LPP: variants seen among roughly 807,000 people sequenced by gnomAD.
The protein encoded by LPP is LIM domain containing preferred translocation partner in lipoma.
Under a neutral mutation model 60.4 loss-of-function variants are expected in LPP, and 38 were observed. That is an observed-to-expected ratio of 0.63 (90% CI 0.49 to 0.83). LPP has a LOEUF of 0.83. Ranked by LOEUF, LPP falls within the 40% of genes least tolerant of loss-of-function variation. LPP has a pLI of 0.00. For missense variants in LPP, 902 were observed against 783.6 expected (o/e 1.15, Z -1.80); for synonymous variants, 328 against 290.8 (o/e 1.13, Z -1.30).
intron 7 of LPP, among the ~76,000 whole-genome samples, chr3:188,687,621 C>G (rs1169797803): frequency 6.6e-6 from 1 of 152,070 alleles, no homozygotes; most frequent in Non-Finnish European, 1.5e-5. Flanking sequence ...TCAGTTAAAC[C>G]TCTTTAGAAA....
At chr3:188,704,583 C>T (rs1316834176) in intron 7 of LPP, among the ~76,000 whole-genome samples, 1 of 152,200 alleles carries the variant, frequency 6.6e-6, no homozygotes, top group African/African-American at 2.4e-5. Flanking sequence ...CTCTCCCATT[C>T]ACCCTCTACT....
intron 2 of LPP, among the ~76,000 whole-genome samples, chr3:188,309,975 CTTTAAA>C (rs1216080435): frequency 1.3e-5 from 2 of 151,942 alleles, no homozygotes; most frequent in African/African-American, 4.8e-5. Flanking sequence ...GTCCTTATTT[CTTTAAA>C]TGAGAATTGA....
intron 6 of LPP, among the ~76,000 whole-genome samples, chr3:188,536,925 G>T (rs1314335901): frequency 1.3e-5 from 2 of 152,122 alleles, no homozygotes; most frequent in Non-Finnish European, 2.9e-5. Context: ...TACCATTCAG[G>T]AATCTTCTTC....
chr3:188,327,228 A>G (rs9852988), intron 2 of LPP, among the ~76,000 whole-genome samples: 17,879 of 152,180 alleles, frequency 0.12, 1,492 homozygotes, highest in East Asian at 0.34. Context: ...ATTTTTATCT[A>G]ACTGAATGAG....
chr3:188,564,638 A>C (rs1484859325), intron 6 of LPP, among the ~76,000 whole-genome samples: 1 of 151,856 alleles, frequency 6.6e-6, no homozygotes, highest in Non-Finnish European at 1.5e-5. Flanking sequence ...ACCTCAGATG[A>C]CTTTAGATGA....
Position 188,813,949 on chromosome 3 carries a change from G to A in LPP, c.1411-52251G>A, listed in dbSNP as rs796272921. Among the ~76,000 whole-genome samples the A allele has an allele frequency of 3.3e-5, 5 of 152,120 alleles. No individual in the cohort carries two copies. The South Asian group carries it at 6.2e-4, about 19-fold the overall frequency. ...TAGGTAGGTATGGTGGTGCACGCCT[G>A]TAATCCCAGCTATTCAGGAGGCTGA... On this transcript the variant is annotated intron_variant, in intron 9 of 11. Transcript: ENST00000617246.
chr3:188,462,749 T>C (rs1453784203), intron 4 of LPP, among the ~76,000 whole-genome samples: 2 of 151,524 alleles, frequency 1.3e-5, no homozygotes, highest in African/African-American at 4.9e-5. Context: ...CTAATTTTGG[T>C]CAAAGGTGAG....
chr3:188,432,120 A>G (rs541140118), intron 4 of LPP, among the ~76,000 whole-genome samples: 247 of 152,176 alleles, frequency 1.6e-3, no homozygotes, highest in Non-Finnish European at 3.2e-3. Flanking sequence ...TTTGGTACTA[A>G]TATTTCCATT....
chr3:188,539,309 A>C (rs1824493843), intron 6 of LPP, among the ~76,000 whole-genome samples: 1 of 152,216 alleles, frequency 6.6e-6, no homozygotes, highest in African/African-American at 2.4e-5. Flanking sequence ...ATAGTACTTA[A>C]GCGTACATGG....
At chr3:188,777,911 A>C (rs1304889031) in intron 9 of LPP, among the ~76,000 whole-genome samples, 1 of 152,196 alleles carries the variant, frequency 6.6e-6, no homozygotes, top group Non-Finnish European at 1.5e-5. Flanking sequence ...AACAGTAATG[A>C]TATTCTATTT....
chr3:188,567,533 A>G (rs1198848713), intron 6 of LPP, among the ~76,000 whole-genome samples: 1 of 151,900 alleles, frequency 6.6e-6, no homozygotes, highest in Non-Finnish European at 1.5e-5. Context: ...AGCCGTGTGT[A>G]AAGTGTGTCT....
At chr3:188,744,908 C>T (rs1725646831) in intron 8 of LPP, among the ~76,000 whole-genome samples, 1 of 152,056 alleles carries the variant, frequency 6.6e-6, no homozygotes, top group South Asian at 2.1e-4. Context: ...TCCTACCTGC[C>T]CTCTTGGTTT....
At chr3:188,351,860 T>TA (rs939704934) in intron 3 of LPP, among the ~76,000 whole-genome samples, 4 of 152,292 alleles carry the variant, frequency 2.6e-5, no homozygotes, top group East Asian at 1.9e-4. Flanking sequence ...GGACTTGTGG[T>TA]CACCCGAGTG....
intron 2 of LPP, among the ~76,000 whole-genome samples, chr3:188,306,277 C>T (rs563358970): frequency 7.2e-4 from 109 of 150,380 alleles, no homozygotes; most frequent in South Asian, 1.9e-3. Flanking sequence ...TTAGTAGAGA[C>T]GGGGTTTCAC....
chr3:188,231,290 C>T (rs1425230904), intron 2 of LPP, among the ~76,000 whole-genome samples: 2 of 152,170 alleles, frequency 1.3e-5, no homozygotes, highest in African/African-American at 4.8e-5. Context: ...ACAGATTCCC[C>T]AGGTTTACAT....
chr3:188,252,368 TC>T (rs2149590761), intron 2 of LPP, among the ~76,000 whole-genome samples: 1 of 98,638 alleles, frequency 1.0e-5, no homozygotes, highest in African/African-American at 4.0e-5. Context: ...TTTTTTTTCC[TC>T]TCTCTCTCTC....
chr3:188,479,220 G>A (rs1041146866), intron 4 of LPP, among the ~76,000 whole-genome samples: 1 of 152,264 alleles, frequency 6.6e-6, no homozygotes, highest in Middle Eastern at 3.4e-3. Context: ...GTATCTACAT[G>A]CTTTTATGCT....
At chr3:188,328,760 A>G (rs1249345971) in intron 2 of LPP, among the ~76,000 whole-genome samples, 1 of 152,248 alleles carries the variant, frequency 6.6e-6, no homozygotes, top group Non-Finnish European at 1.5e-5. Context: ...GAGGTCACAC[A>G]GAATGTAAAA....
At chr3:188,350,533 C>A (rs768802096) in intron 3 of LPP, among the ~76,000 whole-genome samples, 1 of 152,090 alleles carries the variant, frequency 6.6e-6, no homozygotes, top group Non-Finnish European at 1.5e-5. Flanking sequence ...TTTGGTGAAC[C>A]CTAGACTCTA....
Sources: gnomAD v4.1 joint callset for allele counts (sites outside exome capture counted in the v4.1 genomes callset) on GRCh38, gnomAD v4.1.1 for gene constraint, MANE v1.5 for transcripts, NCBI Gene and HGNC (gene_info 2026-07-23, HGNC 2026-07-21) for gene names.